The following PTPRK variants were observed in gnomAD, a reference collection of about 807,000 sequenced individuals.
The protein encoded by PTPRK is protein tyrosine phosphatase receptor type K, also known as receptor-type tyrosine-protein phosphatase kappa.
Under a neutral mutation model 178.0 loss-of-function variants are expected in PTPRK, and 75 were observed. That is an observed-to-expected ratio of 0.42 (90% CI 0.35 to 0.51). The LOEUF (loss-of-function observed/expected upper bound fraction) is 0.51, where lower values mean the gene tolerates loss of function less well. PTPRK is among the 20% of genes least tolerant of loss of function. The pLI, the probability that PTPRK is intolerant of heterozygous loss-of-function variation, is 0.02. For synonymous variants in PTPRK, 637 were observed against 620.6 expected, an observed-to-expected ratio of 1.03 and a Z score of -0.39; for missense variants, 1,441 against 1,797.8, an observed-to-expected ratio of 0.80 and a Z score of 3.59.
rs193281523 is a variant in PTPRK, at chr6:128,310,038, T to C, written c.495+12001A>G. ...AAGGTACTAGACAATGAATAGCCTTTCTCTTATCTTTCTTTTCTAAGCTTA... is the reference window on the plus strand; with the variant it reads ...AAGGTACTAGACAATGAATAGCCTTCCTCTTATCTTTCTTTTCTAAGCTTA... On this transcript the variant is annotated intron_variant, in intron 3 of 29. Coordinates refer to ENST00000368226, the MANE Select transcript of PTPRK (RefSeq NM_002844.4). Among the ~76,000 whole-genome samples, 203 of 152,330 alleles carry C rather than the reference T, an allele frequency of 1.3e-3. 1 individual carries two copies. The highest frequency in any genetic ancestry group is 4.5e-3 in the African/African-American group (188 of 41,578).
chr6:128,350,367 T>C (rs948395600), intron 2 of PTPRK, among the ~76,000 whole-genome samples: 1 of 152,018 alleles, frequency 6.6e-6, no homozygotes, highest in Non-Finnish European at 1.5e-5. Context: ...AAAGTAGAAG[T>C]AGAGGAAGGT....
At chr6:128,236,343 CTTTT>C (rs35553541) in intron 5 of PTPRK, among the ~76,000 whole-genome samples, 2 of 108,084 alleles carry the variant, frequency 1.9e-5, no homozygotes, top group East Asian at 5.5e-4. Flanking sequence ...TTCTAAATTT[CTTTT>C]TTTTTTTTTT....
chr6:128,037,800 G>T (rs570820109), intron 13 of PTPRK, among the ~76,000 whole-genome samples: 27 of 152,208 alleles, frequency 1.8e-4, no homozygotes, highest in Middle Eastern at 3.4e-3. Flanking sequence ...TAAAAAAAAG[G>T]AAGTAATCCT....
At chr6:128,391,160 A>C (rs938613897) in intron 2 of PTPRK, among the ~76,000 whole-genome samples, 1 of 152,178 alleles carries the variant, frequency 6.6e-6, no homozygotes. Flanking sequence ...AAAAAATCTG[A>C]AAATCATTGA....
At chr6:128,036,590 C>T (rs1212510520) in intron 13 of PTPRK, among the ~76,000 whole-genome samples, 1 of 149,410 alleles carries the variant, frequency 6.7e-6, no homozygotes, top group Non-Finnish European at 1.5e-5. Flanking sequence ...AATAACACTG[C>T]AAGTACTTAA....
chr6:128,372,134 G>A (rs1200006172), intron 2 of PTPRK, among the ~76,000 whole-genome samples: 1 of 152,112 alleles, frequency 6.6e-6, no homozygotes, highest in Non-Finnish European at 1.5e-5. Context: ...GATTCCCCTA[G>A]CTCTAGCCCC....
intron 7 of PTPRK, among the ~76,000 whole-genome samples, chr6:128,164,772 CA>C (rs1799162563): frequency 6.7e-6 from 1 of 150,186 alleles, no homozygotes; most frequent in African/African-American, 2.4e-5. Flanking sequence ...GAAGAAAGGC[CA>C]GGGGAAAAGA....
intron 1 of PTPRK, among the ~76,000 whole-genome samples, chr6:128,473,772 G>T (rs1851030844): frequency 6.6e-6 from 1 of 151,982 alleles, no homozygotes; most frequent in South Asian, 2.1e-4. Flanking sequence ...AGAATCTCCT[G>T]CTGATCAGCA....
At chr6:128,273,320 G>T (rs1445312132) in intron 3 of PTPRK, among the ~76,000 whole-genome samples, 2 of 151,684 alleles carry the variant, frequency 1.3e-5, no homozygotes, top group African/African-American at 4.8e-5. Flanking sequence ...TAACAAACCT[G>T]CACTTTGTGC....
chr6:128,404,107 T>C (rs761136227), intron 1 of PTPRK, among the ~76,000 whole-genome samples: 1 of 152,214 alleles, frequency 6.6e-6, no homozygotes, highest in Non-Finnish European at 1.5e-5. Flanking sequence ...GTTAAAAGCT[T>C]ACAACCAAGA....
intron 1 of PTPRK, among the ~76,000 whole-genome samples, chr6:128,404,870 T>C (rs963625968): frequency 1.3e-5 from 2 of 152,188 alleles, no homozygotes; most frequent in African/African-American, 4.8e-5. Context: ...CTAGGCACTA[T>C]GGGTTCTTTA....
At chr6:128,494,247 T>C (rs955722175) in intron 1 of PTPRK, among the ~76,000 whole-genome samples, 14 of 151,026 alleles carry the variant, frequency 9.3e-5, no homozygotes, top group Non-Finnish European at 1.9e-4. Context: ...AACCTGCTAA[T>C]TGATAAATTT....
At chr6:128,009,035 G>C (rs989676390) in intron 14 of PTPRK, 95 bp downstream of exon 14, 9 of 1,178,206 alleles carry the variant, frequency 7.6e-6, no homozygotes, top group Non-Finnish European at 9.3e-6. Flanking sequence ...TCTTCCTGTT[G>C]TTTGTTCTAA....
chr6:128,431,785 C>T (rs1027774869), intron 1 of PTPRK, among the ~76,000 whole-genome samples: 4 of 152,206 alleles, frequency 2.6e-5, no homozygotes, highest in Non-Finnish European at 4.4e-5. Context: ...ATCATAAGTA[C>T]CTAACACTAA....
chr6:128,239,777 GAATAT>G (rs1814047604), intron 5 of PTPRK, among the ~76,000 whole-genome samples: 2 of 152,128 alleles, frequency 1.3e-5, no homozygotes, highest in Non-Finnish European at 2.9e-5. Flanking sequence ...TTTGCAGTTT[GAATAT>G]AACAGAGAGA....
chr6:128,414,237 G>A (rs185634640), intron 1 of PTPRK, among the ~76,000 whole-genome samples: 5 of 152,262 alleles, frequency 3.3e-5, no homozygotes, highest in African/African-American at 1.2e-4. Context: ...ACCTGAATCA[G>A]CTCCCTATCT....
At chr6:128,221,939 T>C (rs1464373925) in intron 5 of PTPRK, among the ~76,000 whole-genome samples, 1 of 152,148 alleles carries the variant, frequency 6.6e-6, no homozygotes, top group African/African-American at 2.4e-5. Flanking sequence ...TAGCACATCA[T>C]TTCCATACAA....
At chr6:128,156,603 C>T (rs927098740) in intron 7 of PTPRK, among the ~76,000 whole-genome samples, 1 of 151,844 alleles carries the variant, frequency 6.6e-6, no homozygotes, top group Non-Finnish European at 1.5e-5. Flanking sequence ...CAATCAACTC[C>T]CACCAGGCCC....
At chr6:128,082,692 A>G (rs1785035447) in intron 9 of PTPRK, 54 bp from the exon 10 acceptor site, 1 of 1,357,352 alleles carries the variant, frequency 7.4e-7, no homozygotes, top group African/African-American at 1.4e-5. Context: ...AAGAAACTGT[A>G]AATAAACTCT....
Sources: gnomAD v4.1 joint callset for allele counts (sites outside exome capture counted in the v4.1 genomes callset) on GRCh38, gnomAD v4.1.1 for gene constraint, MANE v1.5 for transcripts, NCBI Gene and HGNC (gene_info 2026-07-23, HGNC 2026-07-21) for gene names.